The following SGMS2 variants were observed in gnomAD, a reference collection of about 807,000 sequenced individuals.
SGMS2 encodes sphingomyelin synthase 2.
A neutral mutation model predicts 43.8 loss-of-function variants in SGMS2; 21 were observed. The ratio of observed to expected loss-of-function variants is 0.48; its 90% CI spans 0.34 to 0.69. The LOEUF is 0.69. Among genes scored for constraint, SGMS2 ranks in the 30% least tolerant of loss-of-function variants. The pLI, the probability that SGMS2 is intolerant of heterozygous loss-of-function variation, is 0.01. For missense variants in SGMS2, 384 were observed against 443.2 expected (o/e 0.87, Z 1.20); for synonymous variants, 167 against 160.6 (o/e 1.04, Z -0.30).
At chr4:107,848,046 C>G (rs151308113) in intron 1 of SGMS2, among the ~76,000 whole-genome samples, 1 of 152,110 alleles carries the variant, frequency 6.6e-6, no homozygotes, top group African/African-American at 2.4e-5. Context: ...TTTCACTGCC[C>G]TAAAAGTCTG....
chr4:107,839,253 G>T (rs915341433), intron 1 of SGMS2, among the ~76,000 whole-genome samples: 2 of 152,240 alleles, frequency 1.3e-5, no homozygotes, highest in South Asian at 2.1e-4. Flanking sequence ...TAGAGACCTA[G>T]AAAGTTTGGG....
chr4:107,894,480 T>A (rs1220535014), intron 2 of SGMS2: 1 of 152,220 alleles, frequency 6.6e-6, no homozygotes, highest in Non-Finnish European at 1.5e-5. Flanking sequence ...TCGTGGTGGG[T>A]GAGTCCCCTG....
At chr4:107,896,450 G>T (rs897585034) in intron 3 of SGMS2, among the ~76,000 whole-genome samples, 1 of 152,184 alleles carries the variant, frequency 6.6e-6, no homozygotes, top group Non-Finnish European at 1.5e-5. Flanking sequence ...TATTGGTCTA[G>T]AGTCAATAGC....
intron 5 of SGMS2, 57 bp from the exon 6 acceptor site, chr4:107,908,508 A>G: frequency 2.6e-6 from 4 of 1,533,982 alleles, no homozygotes; most frequent in Non-Finnish European, 3.6e-6. Flanking sequence ...GACAGACTGT[A>G]ATCATTACAT....
chr4:107,904,892 G>A (rs926215171), intron 5 of SGMS2, among the ~76,000 whole-genome samples: 1 of 152,136 alleles, frequency 6.6e-6, no homozygotes, highest in Non-Finnish European at 1.5e-5. Context: ...ATTTTCTAGT[G>A]TAGATGTACA....
chr4:107,850,595 A>T (rs7695789), intron 1 of SGMS2, among the ~76,000 whole-genome samples: 8,490 of 152,148 alleles, frequency 0.056, 803 homozygotes, highest in African/African-American at 0.19. Context: ...CCAAGAAGAG[A>T]GGTGTGATCA....
At chr4:107,869,319 G>A (rs558432261) in intron 2 of SGMS2, among the ~76,000 whole-genome samples, 2 of 152,232 alleles carry the variant, frequency 1.3e-5, no homozygotes, top group East Asian at 1.9e-4. Context: ...TAAGCAAGTC[G>A]ATGGGATTGG....
In SGMS2 at chr4:107,899,636, A is replaced by G. The variant is rs748323753; in HGVS notation, c.517A>G (p.Thr173Ala). The change falls in exon 4 of 7, where the codon ACA becomes GCA. Residue 173 changes from threonine to alanine, a missense_variant. Thr to Ala is a moderately conservative substitution (Grantham distance 58). Coordinates refer to ENST00000690982, the MANE Select transcript of SGMS2 (RefSeq NM_001375905.1). ...IGTLYLYRCI[T>A]MYVTTLPVPG... ...AACTTTATACCTGTATCGCTGCATT[A>G]CAATGTATGTTACTACTCTACCTGT... 2.5e-6 allele frequency: 4 copies of G among 1,613,398 alleles called. No homozygotes were observed. Among genetic ancestry groups the G allele is most frequent in the Non-Finnish European group, 2.5e-6 (3 of 1,179,656 alleles).
intron 1 of SGMS2, among the ~76,000 whole-genome samples, chr4:107,848,624 C>T (rs1314539391): frequency 6.6e-6 from 1 of 152,054 alleles, no homozygotes; most frequent in Non-Finnish European, 1.5e-5. Flanking sequence ...GGTTGTAGCT[C>T]ATTGTTGTTT....
chr4:107,895,976 A>G lies in SGMS2; in HGVS notation c.423A>G (p.Leu141=), dbSNP rs201747877. ...SEINGIILVG[L]WITQWLFLRY... ...TAAATGGGATTATATTAGTTGGATT[A>G]TGGATCACCCAGTGGCTGTTTCTGA... Residue 141 remains leucine (L), a synonymous_variant, in exon 3 of 7, where the codon TTA becomes TTG. Coordinates refer to ENST00000690982, the MANE Select transcript of SGMS2 (RefSeq NM_001375905.1). The G allele has an allele frequency of 1.2e-5, 20 of 1,613,434 alleles. No homozygotes were observed. The African/African-American group carries it at 2.0e-4, about 16-fold the overall frequency.
At chr4:107,848,942 T>C (rs1158684652) in intron 1 of SGMS2, among the ~76,000 whole-genome samples, 1 of 152,190 alleles carries the variant, frequency 6.6e-6, no homozygotes, top group Non-Finnish European at 1.5e-5. Flanking sequence ...ATGCTTTTGG[T>C]GTTACATCTA....
Position 107,910,438 on chromosome 4 carries a change from C to G in SGMS2, c.983C>G (p.Ser328Ter). ...FYFFEKNVQGSIPCCFSWPLS... is the reference protein window; with the variant it reads ...FYFFEKNVQG ...TTTTTTGAGAAAAATGTACAAGGCT[C>G]AATTCCTTGCTGCTTCTCCTGGCCG... is the stretch of plus-strand genomic sequence containing the variant. The change falls in exon 7 of 7, where the codon TCA becomes TGA. Residue 328 changes from serine (S) to a stop codon, truncating the protein, a stop_gained. Coordinates refer to ENST00000690982, the MANE Select transcript of SGMS2 (RefSeq NM_001375905.1). LOFTEE classifies it high-confidence loss of function. 6.2e-7 allele frequency: 1 copy of G among 1,614,058 alleles called. No homozygotes were observed. The highest frequency in any genetic ancestry group is 1.3e-5 in the African/African-American group (1 of 75,010).
At chr4:107,882,338 G>C (rs555375132) in intron 2 of SGMS2, among the ~76,000 whole-genome samples, 26 of 152,230 alleles carry the variant, frequency 1.7e-4, no homozygotes, top group African/African-American at 6.3e-4. Flanking sequence ...TTGTAGTTTT[G>C]ATTTGTATTT....
intron 5 of SGMS2, 31 bp downstream of exon 5, chr4:107,903,417 T>A (rs1268500204): frequency 6.2e-7 from 1 of 1,609,724 alleles, no homozygotes; most frequent in Non-Finnish European, 8.5e-7. Context: ...ACTGAACTGA[T>A]AGCTGTAGTG....
At chr4:107,825,620 C>CTTTTTTTTTTT (rs201101875) in intron 1 of SGMS2, among the ~76,000 whole-genome samples, 22 of 116,288 alleles carry the variant, frequency 1.9e-4, no homozygotes, top group African/African-American at 7.0e-4. Context: ...TTTTCTTTCT[C>CTTTTTTTTTTT]TTTTTTTTTT....
intron 2 of SGMS2, among the ~76,000 whole-genome samples, chr4:107,876,838 T>A (rs1728945599): frequency 1.3e-5 from 2 of 152,200 alleles, no homozygotes; most frequent in South Asian, 4.1e-4. Context: ...TATGATCTAT[T>A]TACTTAGAAG....
At chr4:107,894,355 G>A (rs1317530122) in intron 2 of SGMS2, 1 of 152,226 alleles carries the variant, frequency 6.6e-6, no homozygotes, top group African/African-American at 2.4e-5. Context: ...GAGAACAGCT[G>A]GGGCTGTGTG....
At chr4:107,854,872 C>A (rs1170037672) in intron 1 of SGMS2, among the ~76,000 whole-genome samples, 1 of 152,140 alleles carries the variant, frequency 6.6e-6, no homozygotes, top group Admixed American at 6.5e-5. Flanking sequence ...TTGCTCATTG[C>A]CTCTTGTGTA....
intron 1 of SGMS2, among the ~76,000 whole-genome samples, chr4:107,854,971 A>G (rs1224101621): frequency 6.6e-6 from 1 of 152,140 alleles, no homozygotes; most frequent in Non-Finnish European, 1.5e-5. Flanking sequence ...CCAAACACAT[A>G]TGGAGATATA....
Sources: allele counts gnomAD v4.1 joint callset (sites outside exome capture counted in the v4.1 genomes callset), GRCh38; gene constraint gnomAD v4.1.1; transcripts MANE v1.5; gene names NCBI Gene and HGNC (gene_info 2026-07-23, HGNC 2026-07-21).